IL16: variants seen among roughly 807,000 people sequenced by gnomAD.
IL16 encodes interleukin 16, also known as pro-interleukin-16.
A neutral mutation model predicts 110.1 loss-of-function variants in IL16; 67 were observed. The ratio of observed to expected loss-of-function variants is 0.61; its 90% CI spans 0.50 to 0.75. The LOEUF is 0.75. Ranked by LOEUF, IL16 falls within the 30% of genes least tolerant of loss-of-function variation. IL16 has a pLI of 0.00. For missense variants in IL16, 1,545 were observed against 1,655.0 expected (o/e 0.93, Z 1.15); for synonymous variants, 689 against 662.9 (o/e 1.04, Z -0.61).
chr15:81,236,347 G>C (rs1161443159), intron 2 of IL16, among the ~76,000 whole-genome samples: 2 of 152,186 alleles, frequency 1.3e-5, no homozygotes, highest in East Asian at 3.9e-4. Context: ...TGGATGCTGA[G>C]AGCAGCCACT....
intron 1 of IL16, among the ~76,000 whole-genome samples, chr15:81,217,691 G>A (rs76829618): frequency 0.024 from 3,638 of 152,152 alleles, 162 homozygotes; most frequent in African/African-American, 0.084. Flanking sequence ...GATCTAATGG[G>A]ACTTAAAACA....
chr15:81,300,813 T>C (rs951305435), intron 14 of IL16, among the ~76,000 whole-genome samples: 16 of 152,162 alleles, frequency 1.1e-4, no homozygotes, highest in Admixed American at 7.9e-4. Flanking sequence ...ACATCTGAAA[T>C]GTCCTGCGGT....
intron 18 of IL16, chr15:81,306,753 G>C (rs1373720049): frequency 6.3e-6 from 4 of 633,878 alleles, no homozygotes; most frequent in African/African-American, 1.8e-5. Context: ...CCTCTGTTTT[G>C]ATGGGTCTTC....
intron 11 of IL16, 109 bp from the exon 12 acceptor site, chr15:81,292,447 C>A: frequency 6.8e-7 from 1 of 1,478,282 alleles, no homozygotes; most frequent in Non-Finnish European, 9.4e-7. Flanking sequence ...AGATAAGAAG[C>A]AGATGGCCGA....
At chr15:81,239,478 T>A (rs1897277749) in intron 2 of IL16, among the ~76,000 whole-genome samples, 1 of 152,156 alleles carries the variant, frequency 6.6e-6, no homozygotes, top group South Asian at 2.1e-4. Flanking sequence ...CTGCTTAGGT[T>A]TGGGGACAGA....
chr15:81,299,272 T>TC, intron 13 of IL16, 108 bp from the exon 14 acceptor site: 1 of 1,588,374 alleles, frequency 6.3e-7, no homozygotes, highest in Non-Finnish European at 8.5e-7. Context: ...CTTCTGCTAA[T>TC]CTCCTCCTCT....
rs1341911228 is a variant in IL16, at chr15:81,309,700, C to T, written c.*902C>T. ...TACAGGTGAAGCACCAAGCTCAAAG[C>T]GTGGACAGGTGTGCCGACAGAAGGA... On this transcript the variant is annotated 3_prime_UTR_variant, in exon 19 of 19. Coordinates refer to ENST00000683961, the MANE Select transcript of IL16 (RefSeq NM_172217.5). 1.3e-5 allele frequency: 2 copies of T among 152,210 alleles called. No individual in the cohort carries two copies. The highest frequency in any genetic ancestry group is 6.5e-5 in the Admixed American group (1 of 15,274). The allele number at this position is 152,210 out of a possible 1,614,324, so 9.4% of individuals were successfully genotyped here. A position where few individuals can be genotyped will look rare whatever the true frequency, so the allele number is the denominator to read the frequency against.
rs1265122129 is a variant in IL16 at position 81,312,273 on chromosome 15, G to A, written c.*3475G>A. On this transcript the variant is annotated 3_prime_UTR_variant, in exon 19 of 19. Transcript: ENST00000683961. Reference sequence around the variant, plus strand: ...TCTGATGATGTGCCTGGGTGGACATGGCCCCTGTGAGTTTGTACAGTCTTG... The same window carrying A: ...TCTGATGATGTGCCTGGGTGGACATAGCCCCTGTGAGTTTGTACAGTCTTG... 1 of 152,272 alleles carries A rather than the reference G, an allele frequency of 6.6e-6. No individual in the cohort carries two copies. Among genetic ancestry groups the A allele is most frequent in the African/African-American group, 2.4e-5 (1 of 41,460 alleles). The allele number at this position is 152,272 out of a possible 1,614,324, so 9.4% of individuals were successfully genotyped here.
chr15:81,288,012 TAAGGAA>T (rs1899527627), intron 10 of IL16, among the ~76,000 whole-genome samples: 2 of 152,118 alleles, frequency 1.3e-5, no homozygotes, highest in South Asian at 4.1e-4. Flanking sequence ...GCCCTGGGCT[TAAGGAA>T]TGTGCATTCT....
Position 81,313,480 on chromosome 15 carries a change from G to A in IL16, c.*4682G>A. 1 of 1,366,990 alleles carries A rather than the reference G, an allele frequency of 7.3e-7. No homozygotes were observed. Among genetic ancestry groups the A allele is most frequent in the Non-Finnish European group, 9.7e-7 (1 of 1,034,710 alleles). The allele number at this position is 1,366,990 out of a possible 1,614,324, so 84.7% of individuals were successfully genotyped here. A position where few individuals can be genotyped will look rare whatever the true frequency, so the allele number is the denominator to read the frequency against. On this transcript the variant is annotated 3_prime_UTR_variant, in exon 19 of 19. Transcript: ENST00000683961. ...GACGAGCGCCAGGCAGGTGAGCAGA[G>A]CCCAGCCCAGTGGAAATGGCCATGA...
rs759601661 is a variant in IL16 at position 81,263,896 on chromosome 15, C to T, written c.422-1763C>T. Among the ~76,000 whole-genome samples the T allele has an allele frequency of 2.0e-4, 30 of 152,178 alleles. 1 individual carries two copies. The highest frequency in any genetic ancestry group is 7.9e-4 in the Admixed American group (12 of 15,274). Reference sequence around the variant, plus strand: ...GACTGTTTCTTCACTGATCCGGAACCCTCTGGGCTTCCATTTCCTCACTGA... The same window carrying T: ...GACTGTTTCTTCACTGATCCGGAACTCTCTGGGCTTCCATTTCCTCACTGA... On this transcript the variant is annotated intron_variant, in intron 3 of 18. Transcript: ENST00000683961.
At chr15:81,229,064 G>T (rs531226614) in intron 2 of IL16, among the ~76,000 whole-genome samples, 1 of 151,986 alleles carries the variant, frequency 6.6e-6, no homozygotes, top group Non-Finnish European at 1.5e-5. Flanking sequence ...TTTAGCATGG[G>T]GGCACTAATT....
Position 81,278,858 on chromosome 15 carries a change from C to T in IL16, c.832C>T (p.Leu278=). 1 of 1,613,320 alleles carries T rather than the reference C, an allele frequency of 6.2e-7. No homozygotes were observed. The highest frequency in any genetic ancestry group is 8.5e-7 in the Non-Finnish European group (1 of 1,179,204). ...LELNGESMAG[L]THQDALQKFK... ...GCTCAATGGTGAATCAATGGCTGGA[C>T]TAACACATCAGGATGCTTTGCAGAA... The change falls in exon 7 of 19, where the codon CTA becomes TTA. Residue 278 remains leucine, a synonymous_variant. Coordinates refer to ENST00000683961, the MANE Select transcript of IL16 (RefSeq NM_172217.5).
chr15:81,266,358 ATAG>A (rs1233447083), intron 4 of IL16, among the ~76,000 whole-genome samples: 2 of 152,210 alleles, frequency 1.3e-5, no homozygotes, highest in African/African-American at 4.8e-5. Context: ...GTCCCATTTT[ATAG>A]TAGGACACTG....
rs1251819987 is a variant in IL16, at chr15:81,278,942, A to C, written c.864+52A>C. The stretch of plus-strand genomic sequence containing the variant: ...CAAACTCTGGGGCCTTCAGGCAAAG[A>C]AACCAAGCTCTCAGCATCCAAACCT... On this transcript the variant is annotated intron_variant, in intron 7 of 18. Transcript: ENST00000683961. The C allele has an allele frequency of 2.5e-6, 3 of 1,220,230 alleles. No individual in the cohort carries two copies. In the South Asian group the frequency reaches 3.6e-5, roughly 15 times the overall value. 75.6% of individuals were successfully genotyped at this position (1,220,230 alleles called of 1,614,324 possible).
At chr15:81,297,267 G>A (rs1900034752) in intron 13 of IL16, among the ~76,000 whole-genome samples, 189 bp downstream of exon 13, 1 of 152,116 alleles carries the variant, frequency 6.6e-6, no homozygotes, top group Non-Finnish European at 1.5e-5. Context: ...CCAGGGTGGG[G>A]AGCCTCCTGG....
chr15:81,265,734 C>T lies in IL16; in HGVS notation c.497C>T (p.Pro166Leu). The T allele has an allele frequency of 1.2e-6, 2 of 1,613,926 alleles. No individual in the cohort carries two copies. Among genetic ancestry groups the T allele is most frequent in the Non-Finnish European group, 1.7e-6 (2 of 1,179,896 alleles). The change falls in exon 4 of 19, where the codon CCT (proline) becomes CTT (leucine). Residue 166 changes from proline to leucine, a missense_variant. Transcript: ENST00000683961. ...TCTGCAGCGCCCACGGACAGGCAGC[C>T]TTACTCTCTCTGCAGTAACAGGAAG... The part of the protein sequence containing the change: ...KKSAAPTDRQ[P>L]YSLCSNRKSL...
At position 81,299,784 on chromosome 15, in the gene IL16, C is replaced by G; in HGVS notation, c.2458C>G (p.Pro820Ala). 6.2e-7 allele frequency: 1 copy of G among 1,614,140 alleles called. No individual in the cohort carries two copies. Among genetic ancestry groups the G allele is most frequent in the East Asian group, 2.2e-5 (1 of 44,884 alleles). ...TCCTGCCTTGTCCACCCAGCCAGCA[C>G]CTGCTTCCAGGGAGCACCTAGGATC... ...PDPALSTQPA[P>A]ASREHLGSHI... The change falls in exon 14 of 19, where the codon CCT becomes GCT. Residue 820 changes from proline (P) to alanine (A), a missense_variant. Pro to Ala is a conservative substitution (Grantham distance 27). Transcript: ENST00000683961.
chr15:81,291,515 C>A (rs984867522), intron 11 of IL16, among the ~76,000 whole-genome samples: 1 of 152,094 alleles, frequency 6.6e-6, no homozygotes, highest in Non-Finnish European at 1.5e-5. Context: ...CCTTGGTTCT[C>A]TCTCATGGGG....
Sources: allele counts gnomAD v4.1 joint callset (sites outside exome capture counted in the v4.1 genomes callset), GRCh38; gene constraint gnomAD v4.1.1; transcripts MANE v1.5; gene names NCBI Gene and HGNC (gene_info 2026-07-23, HGNC 2026-07-21).